EPB41L3: variants seen among roughly 807,000 people sequenced by gnomAD.
EPB41L3 encodes erythrocyte membrane protein band 4.1 like 3.
EPB41L3 carries 57 observed loss-of-function variants against 127.1 expected under a neutral mutation model. The ratio of observed to expected loss-of-function variants is 0.45; its 90% CI spans 0.36 to 0.56. EPB41L3 has a LOEUF of 0.56. Ranked by LOEUF, EPB41L3 falls within the 20% of genes least tolerant of loss-of-function variation. EPB41L3 has a pLI of 0.00. For synonymous variants in EPB41L3, 572 were observed against 549.5 expected (o/e 1.04, Z -0.57); for missense variants, 1,273 against 1,372.2 (o/e 0.93, Z 1.14).
intron 5 of EPB41L3, among the ~76,000 whole-genome samples, chr18:5,439,543 T>G (rs1243701498): frequency 6.6e-6 from 1 of 152,212 alleles, no homozygotes; most frequent in African/African-American, 2.4e-5. Context: ...GACATCACAT[T>G]TAAGATTCCA....
chr18:5,433,610 G>T (rs1417314203), intron 7 of EPB41L3, 54 bp from the exon 8 acceptor site: 23 of 1,473,562 alleles, frequency 1.6e-5, no homozygotes, highest in Non-Finnish European at 2.1e-5. Flanking sequence ...CTGGTAGGCT[G>T]CAATATTTCC....
upstream of EPB41L3, chr18:5,630,375 A>G (rs1166172287): frequency 3.9e-6 from 2 of 518,388 alleles, no homozygotes; most frequent in South Asian, 2.8e-5. Flanking sequence ...AAAGGCGCTC[A>G]CCTGAGTCAC....
chr18:5,426,502 C>T (rs192438562), intron 9 of EPB41L3, among the ~76,000 whole-genome samples: 1 of 152,328 alleles, frequency 6.6e-6, no homozygotes, highest in East Asian at 1.9e-4. Context: ...GGTCTTATCA[C>T]ATCATGTTTC....
At chr18:5,541,072 G>C (rs1164405827) in intron 1 of EPB41L3, among the ~76,000 whole-genome samples, 1 of 131,306 alleles carries the variant, frequency 7.6e-6, no homozygotes, top group African/African-American at 2.8e-5. Flanking sequence ...GCGACAGAGC[G>C]AGACTCCGTC....
chr18:5,427,081 C>G (rs2078289093), intron 9 of EPB41L3, among the ~76,000 whole-genome samples: 2 of 152,048 alleles, frequency 1.3e-5, no homozygotes, highest in Non-Finnish European at 2.9e-5. Flanking sequence ...AAACTCACTG[C>G]AGCCTTAAAT....
chr18:5,404,203 G>A (rs2074988101), intron 16 of EPB41L3, among the ~76,000 whole-genome samples: 1 of 152,268 alleles, frequency 6.6e-6, no homozygotes, highest in East Asian at 1.9e-4. Context: ...CCTGGGACTT[G>A]AAGCTCCTTT....
At chr18:5,407,363 A>G in intron 15 of EPB41L3, 2 of 405,730 alleles carry the variant, frequency 4.9e-6, no homozygotes, top group Non-Finnish European at 8.8e-6. Context: ...ATGCATCACA[A>G]TACGAGCCCA....
intron 1 of EPB41L3, among the ~76,000 whole-genome samples, chr18:5,495,529 A>G (rs1482915189): frequency 6.6e-6 from 1 of 152,168 alleles, no homozygotes; most frequent in African/African-American, 2.4e-5. Context: ...TGTTGAGAAC[A>G]CAGCCCAGAG....
rs377380169 is a variant in EPB41L3 at position 5,595,288 on chromosome 18, C to T, written c.-306+17052G>A. Among the ~76,000 whole-genome samples the T allele has an allele frequency of 2.0e-5, 3 of 152,304 alleles. No individual in the cohort carries two copies. The East Asian group carries it at 5.8e-4, about 29-fold the overall frequency. ...AAGTGCAGAAGGAAAGATTCCACTT[C>T]ATCTCCTTCAAGAGATTTATATGTA... is the stretch of plus-strand genomic sequence containing the variant. On this transcript the variant is annotated intron_variant, in intron 3 of 21. Transcript: ENST00000545076.
intron 1 of EPB41L3, among the ~76,000 whole-genome samples, chr18:5,541,044 C>T (rs1189935912): frequency 4.9e-5 from 7 of 142,988 alleles, no homozygotes; most frequent in Non-Finnish European, 1.1e-4. Context: ...GAGATCGCAC[C>T]ACTGCACTCC....
chr18:5,509,522 G>T (rs964809729), intron 1 of EPB41L3, among the ~76,000 whole-genome samples: 2 of 152,276 alleles, frequency 1.3e-5, no homozygotes, highest in Non-Finnish European at 2.9e-5. Context: ...TAATCTAAAA[G>T]GAATCGAAGG....
intron 2 of EPB41L3, chr18:5,480,097 G>C (rs1230745817): frequency 6.6e-6 from 1 of 151,968 alleles, no homozygotes; most frequent in East Asian, 1.9e-4. Context: ...TATGTAACAG[G>C]GAAGATACAA....
chr18:5,594,832 A>G (rs1677864797), intron 3 of EPB41L3, among the ~76,000 whole-genome samples: 1 of 152,210 alleles, frequency 6.6e-6, no homozygotes, highest in South Asian at 2.1e-4. Context: ...CCAGGACATG[A>G]TGTTGGATTA....
intron 3 of EPB41L3, among the ~76,000 whole-genome samples, chr18:5,468,533 G>A (rs962773633): frequency 2.0e-5 from 3 of 152,208 alleles, no homozygotes; most frequent in Non-Finnish European, 4.4e-5. Context: ...GGGGACAGGA[G>A]CTGCCCATGG....
At chr18:5,619,031 A>G (rs555494854) in intron 1 of EPB41L3, among the ~76,000 whole-genome samples, 10 of 152,348 alleles carry the variant, frequency 6.6e-5, no homozygotes, top group African/African-American at 2.4e-4. Flanking sequence ...TGAAAATACA[A>G]TTATTATGTG....
intron 22 of EPB41L3, 102 bp downstream of exon 22, chr18:5,394,575 G>T: frequency 2.4e-6 from 2 of 822,962 alleles, no homozygotes; most frequent in Non-Finnish European, 2.0e-6. Context: ...AAATGCCAGT[G>T]AGAGAACAGA....
intron 5 of EPB41L3, 139 bp downstream of exon 5, chr18:5,443,699 C>T: frequency 1.6e-6 from 1 of 623,424 alleles, no homozygotes. Flanking sequence ...AAAATGAATA[C>T]TATCGGAATT....
At chr18:5,496,737 G>C (rs1321679250) in intron 1 of EPB41L3, among the ~76,000 whole-genome samples, 1 of 152,152 alleles carries the variant, frequency 6.6e-6, no homozygotes, top group Non-Finnish European at 1.5e-5. Flanking sequence ...AGGCTTTTTT[G>C]CTTTATGTTG....
chr18:5,583,166 C>A (rs1405873143), intron 3 of EPB41L3, among the ~76,000 whole-genome samples: 1 of 152,186 alleles, frequency 6.6e-6, no homozygotes, highest in Non-Finnish European at 1.5e-5. Flanking sequence ...CTGAGACAGT[C>A]AGACAACTGT....
Sources: gnomAD v4.1 joint callset for allele counts (sites outside exome capture counted in the v4.1 genomes callset) on GRCh38, gnomAD v4.1.1 for gene constraint, MANE v1.5 for transcripts, NCBI Gene and HGNC (gene_info 2026-07-23, HGNC 2026-07-21) for gene names.